The following SDK1 variants were observed in gnomAD, a reference collection of about 807,000 sequenced individuals.
SDK1 encodes protein sidekick-1.
Under a neutral mutation model 245.5 loss-of-function variants are expected in SDK1, and 157 were observed. That is an observed-to-expected ratio of 0.64 (90% CI 0.56 to 0.73). SDK1 has a LOEUF of 0.73. SDK1 is among the 30% of genes least tolerant of loss of function. The pLI is 0.00. For missense variants in SDK1, 3,583 were observed against 3,002.3 expected (o/e 1.19, Z -4.52); for synonymous variants, 1,647 against 1,278.5 (o/e 1.29, Z -6.15).
At chr7:4,239,563 C>T (rs552327633) in intron 42 of SDK1, among the ~76,000 whole-genome samples, 8 of 152,276 alleles carry the variant, frequency 5.3e-5, no homozygotes, top group Admixed American at 2.0e-4. Flanking sequence ...CGGGTTTCAC[C>T]ATGTTGGCCA....
chr7:3,690,246 G>C (rs572378318), intron 4 of SDK1, among the ~76,000 whole-genome samples: 7 of 152,106 alleles, frequency 4.6e-5, no homozygotes, highest in Admixed American at 4.6e-4. Context: ...TCCACATGAC[G>C]ATTAGCACAA....
intron 4 of SDK1, among the ~76,000 whole-genome samples, chr7:3,710,533 T>A (rs1785018449): frequency 1.3e-5 from 2 of 152,180 alleles, no homozygotes; most frequent in South Asian, 4.1e-4. Flanking sequence ...CCTGTTTTCA[T>A]GCTTGACAGT....
intron 32 of SDK1, among the ~76,000 whole-genome samples, chr7:4,164,535 A>G (rs1234649067): frequency 6.6e-6 from 1 of 152,186 alleles, no homozygotes; most frequent in Non-Finnish European, 1.5e-5. Flanking sequence ...TCACAAGAAC[A>G]TTGGCACTTT....
rs142379577 is a variant in SDK1, at chr7:3,578,846, T to G, written c.299-40234T>G. Among the ~76,000 whole-genome samples, 50 of 152,036 alleles carry G rather than the reference T, an allele frequency of 3.3e-4. 1 individual carries two copies. The East Asian group carries it at 9.4e-3, about 29-fold the overall frequency. ...TTTTCAAGGTGCACTGATTTCATAT[T>G]GTTCAAACACACATGTTTTACAATC... On this transcript the variant is annotated intron_variant, in intron 1 of 44. Transcript: ENST00000404826.
At chr7:3,896,408 C>T (rs755345943) in intron 5 of SDK1, among the ~76,000 whole-genome samples, 4 of 152,188 alleles carry the variant, frequency 2.6e-5, no homozygotes, top group Admixed American at 6.5e-5. Context: ...CTGTTATTTC[C>T]TGGCCTTGGT....
At chr7:4,148,021 T>G (rs1189002750) in intron 29 of SDK1, among the ~76,000 whole-genome samples, 1 of 146,898 alleles carries the variant, frequency 6.8e-6, no homozygotes, top group Non-Finnish European at 1.5e-5. Flanking sequence ...GGACCAGAGA[T>G]TTCGGAGATT....
intron 1 of SDK1, among the ~76,000 whole-genome samples, chr7:3,600,391 T>C (rs962856385): frequency 6.6e-5 from 10 of 152,150 alleles, no homozygotes; most frequent in African/African-American, 1.7e-4. Context: ...TTTAGTTCTT[T>C]CCTTCCAGTA....
intron 32 of SDK1, among the ~76,000 whole-genome samples, chr7:4,169,283 C>G (rs1364106134): frequency 6.6e-6 from 1 of 152,230 alleles, no homozygotes; most frequent in Non-Finnish European, 1.5e-5. Context: ...GGAGCCCACC[C>G]AAGTGGGGAA....
intron 2 of SDK1, among the ~76,000 whole-genome samples, chr7:3,634,259 G>A (rs905730664): frequency 6.6e-6 from 1 of 152,244 alleles, no homozygotes; most frequent in East Asian, 1.9e-4. Context: ...GAAAATGTCA[G>A]ATGACTAGTC....
At chr7:3,484,659 C>G (rs985421626) in intron 1 of SDK1, among the ~76,000 whole-genome samples, 1 of 152,154 alleles carries the variant, frequency 6.6e-6, no homozygotes, top group Non-Finnish European at 1.5e-5. Context: ...CTCACACTTT[C>G]CTCTCCCCTG....
chr7:3,464,489 C>G (rs963940184), intron 1 of SDK1, among the ~76,000 whole-genome samples: 1 of 152,090 alleles, frequency 6.6e-6, no homozygotes, highest in Admixed American at 6.5e-5. Context: ...CCACTGCACT[C>G]CAGCCTGGGT....
intron 29 of SDK1, 58 bp downstream of exon 29, chr7:4,145,974 C>T: frequency 6.8e-7 from 1 of 1,471,702 alleles, no homozygotes; most frequent in East Asian, 2.3e-5. Flanking sequence ...CTTCCTCAAT[C>T]AGGCCCTCTG....
intron 5 of SDK1, among the ~76,000 whole-genome samples, chr7:3,939,084 G>GT (rs1263222602): frequency 6.6e-6 from 1 of 152,194 alleles, no homozygotes; most frequent in Non-Finnish European, 1.5e-5. Flanking sequence ...ATATACGACC[G>GT]TATTTCCTCT....
chr7:3,369,329 G>T (rs887279478), intron 1 of SDK1, among the ~76,000 whole-genome samples: 6 of 152,102 alleles, frequency 3.9e-5, no homozygotes. Flanking sequence ...ACGTGACCCA[G>T]TGCACCCACC....
intron 5 of SDK1, among the ~76,000 whole-genome samples, chr7:3,832,046 G>C (rs1779925489): frequency 6.6e-6 from 1 of 152,060 alleles, no homozygotes; most frequent in African/African-American, 2.4e-5. Context: ...GCAAGACCCT[G>C]TCTCTTAAAA....
Position 3,410,550 on chromosome 7 carries a change from A to T in SDK1, c.298+108666A>T, listed in dbSNP as rs1010938721. Among the ~76,000 whole-genome samples, 4 of 151,066 alleles carry T rather than the reference A, an allele frequency of 2.6e-5. No homozygotes were observed. In the East Asian group the frequency reaches 7.7e-4, roughly 29 times the overall value. On this transcript the variant is annotated intron_variant, in intron 1 of 44. Coordinates refer to ENST00000404826, the MANE Select transcript of SDK1 (RefSeq NM_152744.4). ...GTAACTACTCTGCCAAAGGTTGCAT[A>T]ACTCATAAGTGGCAGGTGAAATGAT...
At chr7:3,536,499 G>A (rs575290707) in intron 1 of SDK1, among the ~76,000 whole-genome samples, 18 of 152,074 alleles carry the variant, frequency 1.2e-4, no homozygotes, top group East Asian at 3.9e-4. Flanking sequence ...CCAACTTGGC[G>A]AAACCCTGTT....
intron 5 of SDK1, among the ~76,000 whole-genome samples, chr7:3,827,984 T>G (rs889894009): frequency 1.3e-5 from 2 of 152,142 alleles, no homozygotes; most frequent in African/African-American, 4.8e-5. Flanking sequence ...AACTAATACA[T>G]TACTATATGA....
At chr7:3,518,405 G>A (rs1250469645) in intron 1 of SDK1, among the ~76,000 whole-genome samples, 2 of 151,512 alleles carry the variant, frequency 1.3e-5, no homozygotes, top group African/African-American at 4.8e-5. Context: ...ACAACCTACA[G>A]AATGGGAGAA....
Sources: allele counts gnomAD v4.1 joint callset (sites outside exome capture counted in the v4.1 genomes callset), GRCh38; gene constraint gnomAD v4.1.1; transcripts MANE v1.5; gene names NCBI Gene and HGNC (gene_info 2026-07-23, HGNC 2026-07-21).